Variants in PDE4D observed in about 807,000 individuals in gnomAD.
The protein encoded by PDE4D is phosphodiesterase 4D, also known as 3',5'-cyclic-AMP phosphodiesterase 4D.
Under a neutral mutation model 87.4 loss-of-function variants are expected in PDE4D, and 24 were observed. That is an observed-to-expected ratio of 0.27 (90% confidence interval 0.20 to 0.39). The LOEUF is 0.39. Ranked by LOEUF, PDE4D falls within the 10% of genes least tolerant of loss-of-function variation. The probability of loss-of-function intolerance (pLI) is 1.00; values close to 1 mark genes in which losing one functional copy is unlikely to be tolerated. For synonymous variants in PDE4D, 384 were observed against 383.2 expected (o/e 1.00, Z -0.02); for missense variants, 714 against 1,041.0 (o/e 0.69, Z 4.32).
Position 60,086,967 on chromosome 5 carries a change from T to A in PDE4D, c.43-98250A>T, listed in dbSNP as rs141040634. 8.6e-3 allele frequency among the ~76,000 whole-genome samples: 1,305 copies of A among 152,334 alleles called. 14 individuals carry two copies. Among genetic ancestry groups the A allele is most frequent in the African/African-American group, 0.029 (1,207 of 41,568 alleles). The stretch of plus-strand genomic sequence containing the variant: ...AGGCCCAAATCTGTGGCTGAATTTT[T>A]TATAAATCCCAGGTGGAGCTTTCCC... On this transcript the variant is annotated intron_variant, in intron 2 of 16. Coordinates refer to the PDE4D transcript ENST00000502484.
intron 2 of PDE4D, among the ~76,000 whole-genome samples, chr5:60,148,671 G>T (rs1246440158): frequency 6.6e-6 from 1 of 152,284 alleles, no homozygotes; most frequent in East Asian, 1.9e-4. Context: ...GTCGTTAATA[G>T]TTAACCTTCA....
chr5:60,506,559 G>T (rs190073224), intron 1 of PDE4D, among the ~76,000 whole-genome samples: 1 of 151,906 alleles, frequency 6.6e-6, no homozygotes, highest in Non-Finnish European at 1.5e-5. Context: ...GGAGAAAAAA[G>T]GCTAATGCTG....
intron 1 of PDE4D, among the ~76,000 whole-genome samples, chr5:60,229,113 C>T (rs939930799): frequency 3.3e-5 from 5 of 151,998 alleles, no homozygotes; most frequent in Non-Finnish European, 7.4e-5. Flanking sequence ...TCTTTCTGCA[C>T]GTAATAAGAA....
intron 1 of PDE4D, among the ~76,000 whole-genome samples, chr5:59,427,292 TACACACACACACACACACAC>T (rs60646746): frequency 3.0e-5 from 4 of 132,258 alleles, no homozygotes; most frequent in East Asian, 2.4e-4. Flanking sequence ...AGTGATTTTA[TACACACACACACACACACAC>T]ACACACACAC....
At chr5:59,156,852 G>T (rs547811875) in intron 5 of PDE4D, among the ~76,000 whole-genome samples, 37 of 152,210 alleles carry the variant, frequency 2.4e-4, no homozygotes, top group African/African-American at 8.7e-4. Flanking sequence ...AGAACGAATA[G>T]AGATTTCTTG....
At chr5:60,031,543 A>C (rs1720148067) in intron 2 of PDE4D, among the ~76,000 whole-genome samples, 1 of 152,200 alleles carries the variant, frequency 6.6e-6, no homozygotes, top group Admixed American at 6.5e-5. Flanking sequence ...CCTCCCTTTA[A>C]ATCTGTATTT....
intron 5 of PDE4D, among the ~76,000 whole-genome samples, chr5:59,059,916 T>A (rs904757110): frequency 7.9e-5 from 12 of 152,138 alleles, no homozygotes; most frequent in African/African-American, 2.9e-4. Context: ...CTTCATCACT[T>A]GTTTTCAAAT....
At position 60,052,171 on chromosome 5, in the gene PDE4D, T is replaced by C. The variant is rs1582399462; in HGVS notation, c.43-63454A>G. Among the ~76,000 whole-genome samples the C allele has an allele frequency of 2.0e-5, 3 of 151,572 alleles. No homozygotes were observed. The South Asian group carries it at 6.3e-4, about 32-fold the overall frequency. On this transcript the variant is annotated intron_variant, in intron 2 of 16. Transcript: ENST00000502484. The stretch of plus-strand genomic sequence containing the variant: ...CTCCAATCAATAGAAAAAGAGGGAG[T>C]CCTCCCTAACTCATTTTATGAAGCC...
chr5:59,091,911 G>A (rs1053042167), intron 5 of PDE4D, among the ~76,000 whole-genome samples: 2 of 152,038 alleles, frequency 1.3e-5, no homozygotes, highest in African/African-American at 2.4e-5. Flanking sequence ...AAAATCACCA[G>A]GTGTGTATAA....
At chr5:60,422,285 A>G (rs1284850596) in intron 1 of PDE4D, among the ~76,000 whole-genome samples, 2 of 152,234 alleles carry the variant, frequency 1.3e-5, no homozygotes, top group Non-Finnish European at 2.9e-5. Context: ...TGTTAAGGGC[A>G]GCCAGAGAGA....
At position 59,113,481 on chromosome 5, in the gene PDE4D, C is replaced by G. The variant is rs1039806537; in HGVS notation, c.808+67114G>C. Among the ~76,000 whole-genome samples the G allele has an allele frequency of 6.6e-5, 10 of 152,310 alleles. No individual in the cohort carries two copies. In the South Asian group the frequency reaches 1.2e-3, roughly 19 times the overall value. Reference sequence around the variant, plus strand: ...ACACATCAACAAATCAAAATAATCACCGACATGAATGAAACATTCATTACT... The same window carrying G: ...ACACATCAACAAATCAAAATAATCAGCGACATGAATGAAACATTCATTACT... On this transcript the variant is annotated intron_variant, in intron 5 of 14. Coordinates refer to ENST00000340635, the MANE Select transcript of PDE4D (RefSeq NM_001104631.2).
intron 1 of PDE4D, among the ~76,000 whole-genome samples, chr5:59,539,283 A>G (rs753194343): frequency 6.6e-6 from 1 of 152,162 alleles, no homozygotes; most frequent in Non-Finnish European, 1.5e-5. Flanking sequence ...ATTTTTGTCT[A>G]TGCCCTTAGC....
At chr5:60,183,623 C>A (rs921384921) in intron 2 of PDE4D, among the ~76,000 whole-genome samples, 8 of 152,148 alleles carry the variant, frequency 5.3e-5, no homozygotes, top group Non-Finnish European at 1.2e-4. Context: ...TAGGGAGGAA[C>A]AGAGACTGTT....
intron 1 of PDE4D, among the ~76,000 whole-genome samples, chr5:60,347,619 T>A (rs979420634): frequency 2.6e-5 from 4 of 152,096 alleles, no homozygotes; most frequent in African/African-American, 9.7e-5. Flanking sequence ...AATATTTAAA[T>A]GCAGACATGA....
intron 1 of PDE4D, among the ~76,000 whole-genome samples, chr5:60,314,652 A>G (rs1755381186): frequency 6.6e-6 from 1 of 151,716 alleles, no homozygotes; most frequent in African/African-American, 2.4e-5. Flanking sequence ...CCACCCCACA[A>G]CAGGCCCCAG....
At chr5:59,151,698 C>A (rs79054373) in intron 5 of PDE4D, among the ~76,000 whole-genome samples, 3,829 of 152,112 alleles carry the variant, frequency 0.025, 146 homozygotes, top group African/African-American at 0.077. Flanking sequence ...ACCACTTCTA[C>A]CTTAGGGAGA....
At chr5:59,274,102 T>A (rs1414537516) in intron 1 of PDE4D, among the ~76,000 whole-genome samples, 1 of 152,138 alleles carries the variant, frequency 6.6e-6, no homozygotes, top group African/African-American at 2.4e-5. Context: ...ATACAAGGAT[T>A]TTAAGGATTT....
chr5:60,007,325 C>A (rs1764588484), intron 2 of PDE4D, among the ~76,000 whole-genome samples: 1 of 151,922 alleles, frequency 6.6e-6, no homozygotes, highest in Admixed American at 6.6e-5. Flanking sequence ...AGTTAAATTA[C>A]AAATACCAGG....
chr5:59,666,551 G>A (rs1380652751), intron 1 of PDE4D, among the ~76,000 whole-genome samples: 7 of 152,182 alleles, frequency 4.6e-5, no homozygotes, highest in African/African-American at 9.7e-5. Context: ...GCCTAAGCAG[G>A]TTTTTAAAAG....
Sources: gnomAD v4.1 joint callset for allele counts (sites outside exome capture counted in the v4.1 genomes callset) on GRCh38, gnomAD v4.1.1 for gene constraint, MANE v1.5 for transcripts, NCBI Gene and HGNC (gene_info 2026-07-23, HGNC 2026-07-21) for gene names.